LOC400499: variants seen among roughly 807,000 people sequenced by gnomAD.
the LOC400499 span, among the ~76,000 whole-genome samples, chr16:11,442,767 C>G: frequency 1.3e-5 from 2 of 152,178 alleles, no homozygotes; most frequent in East Asian, 1.9e-4. Flanking sequence ...CATCTGCAGG[C>G]TGAATATGGC....
chr16:11,507,551 A>T, the LOC400499 span, among the ~76,000 whole-genome samples: 4 of 152,206 alleles, frequency 2.6e-5, no homozygotes, highest in Non-Finnish European at 5.9e-5. Flanking sequence ...GCACAATGAT[A>T]TGAATTTCAC....
At chr16:11,513,677 T>A in the LOC400499 span, among the ~76,000 whole-genome samples, 2 of 151,804 alleles carry the variant, frequency 1.3e-5, no homozygotes, top group Admixed American at 6.6e-5. Context: ...GTTATCCGCC[T>A]ACCTCGGCCT....
the LOC400499 span, chr16:11,456,763 G>C: frequency 7.1e-7 from 1 of 1,409,034 alleles, no homozygotes; most frequent in Non-Finnish European, 9.7e-7. Context: ...CCAACAAAAG[G>C]AAAAGGTGTT....
chr16:11,494,740 C>T, the LOC400499 span: 1 of 399,138 alleles, frequency 2.5e-6, no homozygotes, highest in Non-Finnish European at 4.4e-6. Flanking sequence ...CAGGGCTGGC[C>T]CTCGGGGTCT....
chr16:11,476,894 C>A, the LOC400499 span: 1 of 399,508 alleles, frequency 2.5e-6, no homozygotes, highest in East Asian at 3.6e-5. Flanking sequence ...CTCAGCCCGG[C>A]CTGCCCCAGG....
At chr16:11,503,279 G>A in the LOC400499 span, among the ~76,000 whole-genome samples, 2 of 152,086 alleles carry the variant, frequency 1.3e-5, no homozygotes, top group Admixed American at 1.3e-4. Flanking sequence ...CTAATAAAGG[G>A]CATTATAGGG....
the LOC400499 span, among the ~76,000 whole-genome samples, chr16:11,482,963 A>G: frequency 6.6e-6 from 1 of 152,194 alleles, no homozygotes; most frequent in Non-Finnish European, 1.5e-5. Context: ...CTCAAAACTC[A>G]GTAATAAGAA....
At chr16:11,482,284 C>T in the LOC400499 span, among the ~76,000 whole-genome samples, 4 of 152,068 alleles carry the variant, frequency 2.6e-5, no homozygotes, top group Non-Finnish European at 5.9e-5. Context: ...CAGGGGACTC[C>T]CTGAACTGAG....
the LOC400499 span, among the ~76,000 whole-genome samples, chr16:11,402,559 G>A: frequency 3.3e-5 from 5 of 152,200 alleles, no homozygotes; most frequent in African/African-American, 1.2e-4. Context: ...CCAGCCACAT[G>A]AGAACAAACC....
chr16:11,385,316 A>G, the LOC400499 span: 11 of 1,232,148 alleles, frequency 8.9e-6, 1 homozygote, highest in East Asian at 6.3e-5. Flanking sequence ...TGTTGTGAGC[A>G]AAGTCCTGGG....
At chr16:11,459,023 C>T in the LOC400499 span, among the ~76,000 whole-genome samples, 8 of 150,638 alleles carry the variant, frequency 5.3e-5, no homozygotes, top group African/African-American at 1.5e-4. Flanking sequence ...GGCGACAGAG[C>T]GAGACTCCAT....
the LOC400499 span, chr16:11,461,976 A>G: frequency 1.3e-6 from 1 of 758,202 alleles, no homozygotes; most frequent in Non-Finnish European, 1.9e-6. Context: ...CTGGGGGCTC[A>G]CATGGAGCTT....
At chr16:11,482,908 A>G in the LOC400499 span, among the ~76,000 whole-genome samples, 2 of 151,856 alleles carry the variant, frequency 1.3e-5, no homozygotes, top group Non-Finnish European at 2.9e-5. Context: ...AAAAAAAAGG[A>G]AAAAGAAAAA....
At chr16:11,474,558 T>C in the LOC400499 span, among the ~76,000 whole-genome samples, 2,829 of 152,128 alleles carry the variant, frequency 0.019, 83 homozygotes, top group African/African-American at 0.064. Context: ...TTGACTGAAG[T>C]GGTTGGTAAA....
the LOC400499 span, among the ~76,000 whole-genome samples, chr16:11,503,586 C>T: frequency 6.6e-6 from 1 of 152,238 alleles, no homozygotes; most frequent in African/African-American, 2.4e-5. Context: ...TTCCCTGACC[C>T]TGGGCCTCCC....
At chr16:11,494,398 G>A in the LOC400499 span, among the ~76,000 whole-genome samples, 50 of 150,710 alleles carry the variant, frequency 3.3e-4, no homozygotes, top group African/African-American at 1.1e-3. Context: ...GCAGTGGCGT[G>A]GGGGGGCAGG....
chr16:11,409,082 G>A, the LOC400499 span, among the ~76,000 whole-genome samples: 4 of 151,902 alleles, frequency 2.6e-5, no homozygotes, highest in East Asian at 1.9e-4. Context: ...CCAACGTGGC[G>A]AAACCCCATC....
the LOC400499 span, among the ~76,000 whole-genome samples, chr16:11,511,926 G>A: frequency 4.5e-4 from 69 of 151,942 alleles, no homozygotes; most frequent in Non-Finnish European, 7.5e-4. Flanking sequence ...CTGACACTGG[G>A]GGAACCCCTT....
chr16:11,485,836 G>A, the LOC400499 span, among the ~76,000 whole-genome samples: 1 of 152,180 alleles, frequency 6.6e-6, no homozygotes, highest in Non-Finnish European at 1.5e-5. Flanking sequence ...ATAGATGGAT[G>A]TGTGACTCAG....
Sources: allele counts gnomAD v4.1 joint callset (sites outside exome capture counted in the v4.1 genomes callset), GRCh38; gene constraint gnomAD v4.1.1; transcripts MANE v1.5.